FAM241A: variants seen among roughly 807,000 people sequenced by gnomAD.
FAM241A encodes uncharacterized protein FAM241A.
In FAM241A, 7 loss-of-function variants were observed where a neutral mutation model predicts 12.2. The observed-to-expected ratio is 0.58, with a 90% CI of 0.33 to 1.08. The LOEUF is 1.08. Among genes scored for constraint, FAM241A ranks in the 50% least tolerant of loss-of-function variants. The probability of loss-of-function intolerance (pLI) is 0.04; values close to 1 mark genes in which losing one functional copy is unlikely to be tolerated. For missense variants in FAM241A, 161 were observed against 169.7 expected (o/e 0.95, Z 0.29); for synonymous variants, 74 against 68.2 (o/e 1.08, Z -0.42).
At chr4:112,165,731 A>G (rs1339645075) in intron 1 of FAM241A, among the ~76,000 whole-genome samples, 1 of 152,102 alleles carries the variant, frequency 6.6e-6, no homozygotes, top group Non-Finnish European at 1.5e-5. Flanking sequence ...GAAGGTAGAG[A>G]GTAGAAGGAT....
chr4:112,175,085 C>A (rs946238580), intron 1 of FAM241A, among the ~76,000 whole-genome samples: 1 of 152,174 alleles, frequency 6.6e-6, no homozygotes, highest in Non-Finnish European at 1.5e-5. Flanking sequence ...TTATTATTAT[C>A]ATCATCTATA....
Position 112,194,251 on chromosome 4 carries a change from G to A in FAM241A, c.*7313G>A, listed in dbSNP as rs1410061685. 7.2e-4 allele frequency: 108 copies of A among 150,228 alleles called. No individual in the cohort carries two copies. The highest frequency in any genetic ancestry group is 2.5e-3 in the African/African-American group (102 of 40,912). The allele number at this position is 150,228 out of a possible 1,614,324, so 9.3% of individuals were successfully genotyped here. On this transcript the variant is annotated 3_prime_UTR_variant, in exon 2 of 2. Transcript: ENST00000309733. ...TATCAGCTTAAGGAGATTTTGGGCT[G>A]AGACAATGGGGTTTTCTAGATATAC... is the stretch of plus-strand genomic sequence containing the variant.
At chr4:112,169,821 A>G (rs1723680067) in intron 1 of FAM241A, among the ~76,000 whole-genome samples, 1 of 152,232 alleles carries the variant, frequency 6.6e-6, no homozygotes, top group African/African-American at 2.4e-5. Flanking sequence ...TAACTAATCC[A>G]GAGGCTTTTA....
chr4:112,160,327 C>T (rs574853737), intron 1 of FAM241A, among the ~76,000 whole-genome samples: 3 of 151,810 alleles, frequency 2.0e-5, no homozygotes, highest in African/African-American at 7.3e-5. Flanking sequence ...ATCACTTGAA[C>T]CCAGGAGGCA....
intron 1 of FAM241A, among the ~76,000 whole-genome samples, chr4:112,166,405 A>C (rs145107431): frequency 6.6e-6 from 1 of 152,206 alleles, no homozygotes; most frequent in Admixed American, 6.5e-5. Flanking sequence ...CACACCTTAA[A>C]ATGAATTTGT....
chr4:112,165,202 GAT>G (rs1478039947), intron 1 of FAM241A, among the ~76,000 whole-genome samples: 1 of 152,184 alleles, frequency 6.6e-6, no homozygotes, highest in Non-Finnish European at 1.5e-5. Context: ...ACTACAATGA[GAT>G]ATCATCTCAC....
At position 112,192,799 on chromosome 4, in the gene FAM241A, A is replaced by G. The variant is rs1391299339; in HGVS notation, c.*5861A>G. The G allele has an allele frequency of 6.6e-6, 1 of 151,826 alleles. No individual in the cohort carries two copies. The highest frequency in any genetic ancestry group is 1.9e-4 in the East Asian group (1 of 5,202). The allele number at this position is 151,826 out of a possible 1,614,324, so 9.4% of individuals were successfully genotyped here. ...CTTTGCTATTGTGAATAGTGCTGCA[A>G]TAAACATACGTGTGCATGTGTCTTT... On this transcript the variant is annotated 3_prime_UTR_variant, in exon 2 of 2. Transcript: ENST00000309733.
intron 1 of FAM241A, among the ~76,000 whole-genome samples, chr4:112,161,149 C>T (rs189378860): frequency 3.3e-5 from 5 of 152,258 alleles, no homozygotes; most frequent in Admixed American, 2.6e-4. Context: ...ATCTCTGGGA[C>T]ACAGTTAAAG....
At chr4:112,166,172 C>T (rs959749833) in intron 1 of FAM241A, among the ~76,000 whole-genome samples, 4 of 151,548 alleles carry the variant, frequency 2.6e-5, no homozygotes, top group African/African-American at 9.7e-5. Context: ...TCAGCCTCTC[C>T]CGAGTAGCTG....
intron 1 of FAM241A, among the ~76,000 whole-genome samples, chr4:112,180,020 T>TA (rs33967364): frequency 6.9e-6 from 1 of 145,564 alleles, no homozygotes; most frequent in Non-Finnish European, 1.5e-5. Context: ...TGCACAGCCC[T>TA]AAAAAAAAAA....
intron 1 of FAM241A, among the ~76,000 whole-genome samples, chr4:112,160,899 AAAATC>A (rs146439844): frequency 0.03 from 4,495 of 152,334 alleles, 180 homozygotes; most frequent in East Asian, 0.16. Context: ...GCCATATACA[AAAATC>A]AAATCAAAAT....
At chr4:112,146,610 T>G (rs1263581932) in intron 1 of FAM241A, among the ~76,000 whole-genome samples, 1 of 152,280 alleles carries the variant, frequency 6.6e-6, no homozygotes, top group African/African-American at 2.4e-5. Context: ...GGAATTCAAA[T>G]GATTATTGGC....
chr4:112,167,192 C>A (rs1723617675), intron 1 of FAM241A, among the ~76,000 whole-genome samples: 1 of 151,436 alleles, frequency 6.6e-6, no homozygotes, highest in African/African-American at 2.4e-5. Context: ...AAAATTGAAT[C>A]TTCAGCATAT....
At chr4:112,160,039 C>T (rs1723430781) in intron 1 of FAM241A, among the ~76,000 whole-genome samples, 1 of 152,058 alleles carries the variant, frequency 6.6e-6, no homozygotes, top group African/African-American at 2.4e-5. Context: ...CTAAGGACTC[C>T]ATCAAAAAAC....
At chr4:112,156,875 T>A (rs945359555) in intron 1 of FAM241A, among the ~76,000 whole-genome samples, 1 of 152,134 alleles carries the variant, frequency 6.6e-6, no homozygotes, top group Non-Finnish European at 1.5e-5. Context: ...ATAAAGAAGG[T>A]AAAAGGCTAA....
chr4:112,162,560 G>A (rs574740222), intron 1 of FAM241A, among the ~76,000 whole-genome samples: 39 of 152,284 alleles, frequency 2.6e-4, no homozygotes, highest in African/African-American at 8.2e-4. Context: ...CCCATTCACA[G>A]TTGCTTCAAA....
chr4:112,166,836 C>T (rs1723604443), intron 1 of FAM241A, among the ~76,000 whole-genome samples: 2 of 151,958 alleles, frequency 1.3e-5, no homozygotes, highest in Admixed American at 6.6e-5. Context: ...AAATACTGGC[C>T]GGGCGCGGTG....
chr4:112,177,244 A>G (rs557929452), intron 1 of FAM241A, among the ~76,000 whole-genome samples: 1 of 152,112 alleles, frequency 6.6e-6, no homozygotes, highest in East Asian at 1.9e-4. Context: ...AGGAAAAAAG[A>G]TAGTGATACT....
At chr4:112,156,566 A>G (rs1723357261) in intron 1 of FAM241A, among the ~76,000 whole-genome samples, 1 of 152,232 alleles carries the variant, frequency 6.6e-6, no homozygotes, top group Non-Finnish European at 1.5e-5. Flanking sequence ...CTGAGCTACT[A>G]GAGATGAATC....
Sources: allele counts gnomAD v4.1 joint callset (sites outside exome capture counted in the v4.1 genomes callset), GRCh38; gene constraint gnomAD v4.1.1; transcripts MANE v1.5; gene names NCBI Gene and HGNC (gene_info 2026-07-23, HGNC 2026-07-21).